VGLL3: variants seen among roughly 807,000 people sequenced by gnomAD.
The protein encoded by VGLL3 is transcription cofactor vestigial-like protein 3.
VGLL3 carries 18 observed loss-of-function variants against 29.2 expected under a neutral mutation model. The ratio of observed to expected loss-of-function variants is 0.62; its 90% CI spans 0.43 to 0.91. The LOEUF (loss-of-function observed/expected upper bound fraction) is 0.91, where lower values mean the gene tolerates loss of function less well. VGLL3 is among the 40% of genes least tolerant of loss of function. The probability of loss-of-function intolerance (pLI) is 0.00; values close to 1 mark genes in which losing one functional copy is unlikely to be tolerated. For missense variants in VGLL3, 440 were observed against 413.2 expected (o/e 1.06, Z -0.56); for synonymous variants, 180 against 151.8 (o/e 1.19, Z -1.36).
intron 2 of VGLL3, among the ~76,000 whole-genome samples, chr3:86,977,707 A>C (rs1705239543): frequency 6.6e-6 from 1 of 152,224 alleles, no homozygotes. Context: ...TGTGGCACTG[A>C]TGTTCCTGGT....
At chr3:86,960,074 A>G (rs1335662159) in intron 3 of VGLL3, among the ~76,000 whole-genome samples, 5 of 152,142 alleles carry the variant, frequency 3.3e-5, no homozygotes, top group Admixed American at 3.3e-4. Context: ...TTTAATTAAT[A>G]GATTTCATTA....
chr3:86,964,258 G>A (rs1227627687), intron 3 of VGLL3, among the ~76,000 whole-genome samples: 1 of 152,128 alleles, frequency 6.6e-6, no homozygotes, highest in African/African-American at 2.4e-5. Flanking sequence ...GTAGAATTAG[G>A]TAGTGGTAAC....
Position 86,941,663 on chromosome 3 carries a change from A to G in VGLL3, c.*5361T>C, listed in dbSNP as rs1452791348. The G allele has an allele frequency of 6.6e-6, 1 of 152,092 alleles. No homozygotes were observed. Among genetic ancestry groups the G allele is most frequent in the Non-Finnish European group, 1.5e-5 (1 of 67,992 alleles). 9.4% of individuals were successfully genotyped at this position (152,092 alleles called of 1,614,324 possible). Reference sequence around the variant, plus strand: ...ACCAATACTTTAAAACTATAAAAGTATTTTTAAACAAAAAAGCACAATAGA... The same window carrying G: ...ACCAATACTTTAAAACTATAAAAGTGTTTTTAAACAAAAAAGCACAATAGA... On this transcript the variant is annotated 3_prime_UTR_variant, in exon 4 of 4. Transcript: ENST00000398399.
chr3:86,949,944 G>A (rs1253296387), intron 3 of VGLL3, among the ~76,000 whole-genome samples: 1 of 152,110 alleles, frequency 6.6e-6, no homozygotes, highest in Non-Finnish European at 1.5e-5. Context: ...AGTACATTTA[G>A]TTTTTCCCAG....
At position 86,990,312 on chromosome 3, in the gene VGLL3, TAGATGCCCTTG is replaced by T. The variant is rs1476981251; in HGVS notation, c.126+295_126+305del. On this transcript the variant is annotated intron_variant, in intron 1 of 3. Coordinates refer to ENST00000398399, the MANE Select transcript of VGLL3 (RefSeq NM_016206.4). ...GAAGTTTACTCACATGGTCCTAAGA[TAGATGCCCTTG>T]GTGAGCTTCAGAGAACTGAGTCCTA... is the stretch of plus-strand genomic sequence containing the variant. The T allele has an allele frequency of 3.2e-5, 32 of 985,382 alleles. No individual in the cohort carries two copies. In the African/African-American group the frequency reaches 5.1e-4, roughly 16 times the overall value. The allele number at this position is 985,382 out of a possible 1,614,324, so 61.0% of individuals were successfully genotyped here.
At position 86,958,071 on chromosome 3, in the gene VGLL3, C is replaced by A. The variant is rs957668112; in HGVS notation, c.937+10519G>T. 4.6e-5 allele frequency among the ~76,000 whole-genome samples: 7 copies of A among 152,084 alleles called. No homozygotes were observed. In the East Asian group the frequency reaches 1.3e-3, roughly 29 times the overall value. ...ATTTTCCAAAAAAGACATATATGTG[C>A]TTTTCTTGAGCTTTTCTTTTTCAGT... On this transcript the variant is annotated intron_variant, in intron 3 of 3. Transcript: ENST00000398399.
chr3:86,959,799 A>G (rs977074620), intron 3 of VGLL3, among the ~76,000 whole-genome samples: 23 of 152,258 alleles, frequency 1.5e-4, no homozygotes, highest in African/African-American at 5.5e-4. Flanking sequence ...TGTGTTATTT[A>G]GCAAGGTTAT....
At chr3:86,966,771 GTGTA>G (rs67186618) in intron 3 of VGLL3, among the ~76,000 whole-genome samples, 357 of 69,322 alleles carry the variant, frequency 5.1e-3, no homozygotes, top group Middle Eastern at 0.011. Context: ...TAGTGTGTGT[GTGTA>G]TATATATATA....
intron 2 of VGLL3, among the ~76,000 whole-genome samples, chr3:86,975,569 T>G (rs1205827772): frequency 6.6e-6 from 1 of 152,218 alleles, no homozygotes; most frequent in Non-Finnish European, 1.5e-5. Flanking sequence ...AATTTTCTAT[T>G]AAAGACTCTT....
chr3:86,955,364 A>T (rs937540344), intron 3 of VGLL3, among the ~76,000 whole-genome samples: 1 of 148,362 alleles, frequency 6.7e-6, no homozygotes, highest in Non-Finnish European at 1.5e-5. Context: ...GAAACTTTTC[A>T]TCTCTCTCTC....
At chr3:86,966,095 C>A (rs1211731201) in intron 3 of VGLL3, among the ~76,000 whole-genome samples, 1 of 152,020 alleles carries the variant, frequency 6.6e-6, no homozygotes, top group African/African-American at 2.4e-5. Context: ...TTCGGGCCAG[C>A]CTCGATGCAT....
At chr3:86,962,145 A>G (rs1013825108) in intron 3 of VGLL3, 2 of 985,440 alleles carry the variant, frequency 2.0e-6, no homozygotes, top group Non-Finnish European at 1.2e-6. Context: ...ATTTGTGATA[A>G]CAGCCTCTTG....
intron 3 of VGLL3, among the ~76,000 whole-genome samples, chr3:86,967,772 A>T (rs1236503076): frequency 1.3e-5 from 2 of 152,178 alleles, no homozygotes; most frequent in Non-Finnish European, 2.9e-5. Flanking sequence ...TGATTTCATG[A>T]GCTCAGAACT....
intron 1 of VGLL3, 58 bp downstream of exon 1, chr3:86,990,560 C>T (rs1312102031): frequency 3.7e-5 from 48 of 1,311,338 alleles, no homozygotes; most frequent in Non-Finnish European, 4.6e-5. Context: ...AGCCCCAGAC[C>T]GATACTCTCG....
intron 2 of VGLL3, among the ~76,000 whole-genome samples, chr3:86,972,433 T>A (rs1440801938): frequency 6.6e-6 from 1 of 152,230 alleles, no homozygotes; most frequent in Non-Finnish European, 1.5e-5. Context: ...GTTGAAAATA[T>A]GTTTATGAAG....
chr3:86,939,738 T>A lies in VGLL3; in HGVS notation c.*7286A>T, dbSNP rs996762783. The stretch of plus-strand genomic sequence containing the variant: ...TTGTAATCACATGAGTCCTTAAATA[T>A]GTAAGGGAGAGGAAGAAGAGGAAGT... On this transcript the variant is annotated 3_prime_UTR_variant, in exon 4 of 4. Transcript: ENST00000398399. The A allele has an allele frequency of 3.9e-5, 6 of 152,146 alleles. No individual in the cohort carries two copies. The highest frequency in any genetic ancestry group is 1.4e-4 in the African/African-American group (6 of 41,402). The allele number at this position is 152,146 out of a possible 1,614,324, so 9.4% of individuals were successfully genotyped here.
At chr3:86,952,569 A>C (rs1212102866) in intron 3 of VGLL3, among the ~76,000 whole-genome samples, 1 of 152,176 alleles carries the variant, frequency 6.6e-6, no homozygotes, top group East Asian at 1.9e-4. Context: ...AACTTTGAAG[A>C]CCTAAAAGTA....
chr3:86,989,089 A>C (rs1235603200), intron 1 of VGLL3, among the ~76,000 whole-genome samples: 1 of 152,238 alleles, frequency 6.6e-6, no homozygotes, highest in African/African-American at 2.4e-5. Flanking sequence ...GCTCAAAAAA[A>C]AGTGTTACAG....
Position 86,987,653 on chromosome 3 carries a change from G to C in VGLL3, c.126+2965C>G, listed in dbSNP as rs1389373292. On this transcript the variant is annotated intron_variant, in intron 1 of 3. Coordinates refer to ENST00000398399, the MANE Select transcript of VGLL3 (RefSeq NM_016206.4). ...CACCCAGCATCCCTCAGTAATTTTG[G>C]CTCTATAAACCCCACTGTAGGATTT... Among the ~76,000 whole-genome samples the C allele has an allele frequency of 5.3e-5, 8 of 152,066 alleles. No homozygotes were observed. The East Asian group carries it at 1.5e-3, about 29-fold the overall frequency.
Sources: gnomAD v4.1 joint callset for allele counts (sites outside exome capture counted in the v4.1 genomes callset) on GRCh38, gnomAD v4.1.1 for gene constraint, MANE v1.5 for transcripts, NCBI Gene and HGNC (gene_info 2026-07-23, HGNC 2026-07-21) for gene names.